RARB: variants seen among roughly 807,000 people sequenced by gnomAD.
RARB encodes the protein HBV-activated protein.
Under a neutral mutation model 51.9 loss-of-function variants are expected in RARB, and 17 were observed. The ratio of observed to expected loss-of-function variants is 0.33; its 90% CI spans 0.22 to 0.49. The LOEUF (loss-of-function observed/expected upper bound fraction) is 0.49, where lower values mean the gene tolerates loss of function less well. Among genes scored for constraint, RARB ranks in the 20% least tolerant of loss-of-function variants. The pLI, the probability that RARB is intolerant of heterozygous loss-of-function variation, is 0.99. For missense variants in RARB, 369 were observed against 550.8 expected, an observed-to-expected ratio of 0.67 and a Z score of 3.30; for synonymous variants, 215 against 195.4, an observed-to-expected ratio of 1.10 and a Z score of -0.84.
chr3:25,508,749 C>A (rs62235660), intron 3 of RARB, among the ~76,000 whole-genome samples: 63,976 of 151,770 alleles, frequency 0.42, 16,661 homozygotes, highest in South Asian at 0.64. Context: ...CACACAAATC[C>A]CTGAAGAGCC....
At chr3:25,344,828 GT>G (rs1410294761) in intron 5 of RARB, among the ~76,000 whole-genome samples, 1 of 152,096 alleles carries the variant, frequency 6.6e-6, no homozygotes. Flanking sequence ...ATCCCAGCAT[GT>G]TTTTCTTGTT....
At chr3:24,916,590 A>C (rs73823038) in intron 2 of RARB, among the ~76,000 whole-genome samples, 2,343 of 152,108 alleles carry the variant, frequency 0.015, 62 homozygotes, top group African/African-American at 0.05. Context: ...ACACTTGCAG[A>C]GAGTGATGTT....
At chr3:25,281,258 A>C (rs775952181) in intron 5 of RARB, among the ~76,000 whole-genome samples, 3 of 152,222 alleles carry the variant, frequency 2.0e-5, no homozygotes, top group Non-Finnish European at 4.4e-5. Flanking sequence ...CAGTTTAGTC[A>C]CAAAGGGCCA....
chr3:25,019,811 T>G (rs535991993), intron 2 of RARB, among the ~76,000 whole-genome samples: 1 of 152,272 alleles, frequency 6.6e-6, no homozygotes, highest in South Asian at 2.1e-4. Flanking sequence ...AGACCAACGC[T>G]GGATGATCTG....
At chr3:25,308,903 C>G (rs2125432146) in intron 5 of RARB, among the ~76,000 whole-genome samples, 1 of 152,256 alleles carries the variant, frequency 6.6e-6, no homozygotes, top group African/African-American at 2.4e-5. Context: ...TGTGGTTCTA[C>G]CAATGTGGAG....
intron 5 of RARB, among the ~76,000 whole-genome samples, chr3:25,295,239 C>T (rs1006435104): frequency 4.6e-5 from 7 of 152,170 alleles, no homozygotes; most frequent in Admixed American, 6.5e-5. Context: ...CAGAAATCCA[C>T]ATGTTGAAAT....
intron 5 of RARB, among the ~76,000 whole-genome samples, chr3:25,400,472 A>C (rs750190040): frequency 2.0e-5 from 3 of 152,144 alleles, no homozygotes; most frequent in Non-Finnish European, 2.9e-5. Context: ...TGATAATAAT[A>C]GTATGAGGTT....
Position 25,331,961 on chromosome 3 carries a change from C to G in RARB, c.179-129232C>G, listed in dbSNP as rs539275598. Among the ~76,000 whole-genome samples, 18 of 152,254 alleles carry G rather than the reference C, an allele frequency of 1.2e-4. No homozygotes were observed. In the South Asian group the frequency reaches 3.5e-3, roughly 30 times the overall value. On this transcript the variant is annotated intron_variant, in intron 5 of 11. Transcript: ENST00000383772. ...AAATACCTGGACACATACACCCTCC[C>G]AAGACTAAACCAGGAAGAATTTGAG...
chr3:24,830,439 G>GTGTGTGTGTGTGTGTA (rs1281096155), intron 1 of RARB, among the ~76,000 whole-genome samples: 3 of 151,048 alleles, frequency 2.0e-5, no homozygotes, highest in Admixed American at 6.6e-5. Context: ...GTGTGTGTGT[G>GTGTGTGTGTGTGTGTA]TGTACGTGCG....
intron 5 of RARB, among the ~76,000 whole-genome samples, chr3:25,209,486 G>T (rs906550970): frequency 6.6e-6 from 1 of 152,172 alleles, no homozygotes; most frequent in African/African-American, 2.4e-5. Flanking sequence ...CCAAAGATTT[G>T]CCAAAGTCAA....
chr3:25,175,759 C>T (rs1575197070), intron 5 of RARB, among the ~76,000 whole-genome samples: 1 of 152,232 alleles, frequency 6.6e-6, no homozygotes, highest in South Asian at 2.1e-4. Flanking sequence ...ATGAGTCTTT[C>T]CTTCTGTGTT....
At chr3:25,385,203 T>C (rs1015422250) in intron 5 of RARB, among the ~76,000 whole-genome samples, 27 of 152,206 alleles carry the variant, frequency 1.8e-4, no homozygotes, top group African/African-American at 6.5e-4. Flanking sequence ...ATTCAGACTA[T>C]TCCCTTTGTC....
At chr3:24,862,376 T>G (rs577645358) in intron 2 of RARB, among the ~76,000 whole-genome samples, 1 of 152,316 alleles carries the variant, frequency 6.6e-6, no homozygotes, top group African/African-American at 2.4e-5. Context: ...TTTCCAAGAT[T>G]ACCTGGTGAG....
chr3:25,510,302 C>T (rs1032883471), intron 3 of RARB, among the ~76,000 whole-genome samples: 1 of 152,192 alleles, frequency 6.6e-6, no homozygotes, highest in Non-Finnish European at 1.5e-5. Context: ...TCAGTATCTT[C>T]ACCTGTATTC....
chr3:25,570,323 G>A (rs756527446), intron 4 of RARB, among the ~76,000 whole-genome samples: 13 of 152,214 alleles, frequency 8.5e-5, no homozygotes, highest in South Asian at 4.1e-4. Context: ...ACCTCTGTAC[G>A]GAGGGACCCA....
chr3:25,315,068 G>A (rs1313758314), intron 5 of RARB, among the ~76,000 whole-genome samples: 2 of 152,168 alleles, frequency 1.3e-5, no homozygotes, highest in Non-Finnish European at 2.9e-5. Context: ...AGTATTCCGT[G>A]GTGTGTAGGT....
intron 5 of RARB, among the ~76,000 whole-genome samples, chr3:25,331,566 G>C (rs904176774): frequency 2.0e-5 from 3 of 152,296 alleles, no homozygotes; most frequent in Non-Finnish European, 4.4e-5. Context: ...GCCCACAAGA[G>C]AAAGCAGGAA....
At chr3:25,385,143 A>G (rs1481360961) in intron 5 of RARB, among the ~76,000 whole-genome samples, 1 of 152,152 alleles carries the variant, frequency 6.6e-6, no homozygotes, top group Non-Finnish European at 1.5e-5. Context: ...CACTCCATAT[A>G]TTCTAGTCAC....
chr3:25,325,578 T>A (rs1704692306), intron 5 of RARB, among the ~76,000 whole-genome samples: 2 of 151,404 alleles, frequency 1.3e-5, no homozygotes, highest in Non-Finnish European at 1.5e-5. Flanking sequence ...GTTTTTTTTT[T>A]AATAACACCC....
Sources: allele counts gnomAD v4.1 joint callset (sites outside exome capture counted in the v4.1 genomes callset), GRCh38; gene constraint gnomAD v4.1.1; transcripts MANE v1.5; gene names NCBI Gene and HGNC (gene_info 2026-07-23, HGNC 2026-07-21).